The following CSPP1 variants were observed in gnomAD, a reference collection of about 807,000 sequenced individuals.
The protein encoded by CSPP1 is centrosome and spindle pole-associated protein 1.
A neutral mutation model predicts 164.4 loss-of-function variants in CSPP1; 126 were observed. The ratio of observed to expected loss-of-function variants is 0.77; its 90% CI spans 0.66 to 0.89. The LOEUF is 0.89. CSPP1 is among the 40% of genes least tolerant of loss of function. CSPP1 has a pLI of 0.00. For missense variants in CSPP1, 1,395 were observed against 1,449.8 expected (o/e 0.96, Z 0.61); for synonymous variants, 472 against 476.7 (o/e 0.99, Z 0.13).
intron 30 of CSPP1, among the ~76,000 whole-genome samples, chr8:67,194,298 TC>T (rs2129576218): frequency 6.6e-6 from 1 of 152,352 alleles, no homozygotes; most frequent in South Asian, 2.1e-4. Context: ...AGTCTGTTAA[TC>T]TACATTACAA....
At position 67,179,903 on chromosome 8, in the gene CSPP1, T is replaced by G; in HGVS notation, c.3197T>G (p.Leu1066Trp). ...DTSDFLKNSL[L>W]ESDSAFIGAY... is the part of the protein sequence containing the mutation. ...AGTGATTTCTTGAAAAACTCATTAT[T>G]GGAATCTGATAGTGCTTTTATTGGT... Residue 1066 changes from leucine (L) to tryptophan (W), a missense_variant, in exon 28 of 31, where the codon TTG becomes TGG. Leu to Trp is a moderately conservative substitution (Grantham distance 61, BLOSUM62 -2). Transcript: ENST00000678616. The G allele has an allele frequency of 6.3e-7, 1 of 1,586,022 alleles. No individual in the cohort carries two copies. Among genetic ancestry groups the G allele is most frequent in the Non-Finnish European group, 8.7e-7 (1 of 1,155,070 alleles).
At chr8:67,112,679 A>G (rs1817108884) in intron 10 of CSPP1, among the ~76,000 whole-genome samples, 1 of 152,188 alleles carries the variant, frequency 6.6e-6, no homozygotes, top group South Asian at 2.1e-4. Flanking sequence ...TTGCAGCAAT[A>G]GCTTTCTAAC....
chr8:67,172,663 G>A (rs1380543321), intron 25 of CSPP1, 108 bp downstream of exon 25: 1 of 957,694 alleles, frequency 1.0e-6, no homozygotes, highest in Non-Finnish European at 1.5e-6. Flanking sequence ...TTTATCTATG[G>A]TATGTATTTT....
Position 67,149,773 on chromosome 8 carries a change from T to G in CSPP1, c.1976-10T>G. 6.6e-7 allele frequency: 1 copy of G among 1,505,774 alleles called. No individual in the cohort carries two copies. Among genetic ancestry groups the G allele is most frequent in the African/African-American group, 1.4e-5 (1 of 70,034 alleles). 93.3% of individuals were successfully genotyped at this position (1,505,774 alleles called of 1,614,324 possible). ...TTTATTGAAATAAATGGCTTATTTT[T>G]TCCTCTCAGCTGATTTGAATAGGAT... On this transcript the variant is annotated splice_polypyrimidine_tract_variant and intron_variant, in intron 17 of 30. Coordinates refer to ENST00000678616, the MANE Select transcript of CSPP1 (RefSeq NM_001382391.1).
intron 6 of CSPP1, among the ~76,000 whole-genome samples, chr8:67,094,188 A>G (rs1411189001): frequency 2.8e-5 from 4 of 143,488 alleles, no homozygotes; most frequent in East Asian, 2.0e-4. Context: ...ACCACTTTCT[A>G]TATCCTTTGT....
At chr8:67,161,685 A>C (rs1423639869) in intron 21 of CSPP1, 126 bp from the exon 22 acceptor site, 2 of 534,000 alleles carry the variant, frequency 3.7e-6, no homozygotes, top group Non-Finnish European at 6.6e-6. Flanking sequence ...GCATTTTATT[A>C]AATAAAAGCA....
chr8:67,116,928 T>C (rs1425864773), intron 13 of CSPP1, among the ~76,000 whole-genome samples: 1 of 152,180 alleles, frequency 6.6e-6, no homozygotes, highest in African/African-American at 2.4e-5. Flanking sequence ...ACTATACTTA[T>C]CAGGGGCTTT....
chr8:67,077,651 T>C (rs1808244181), intron 3 of CSPP1, among the ~76,000 whole-genome samples: 1 of 152,254 alleles, frequency 6.6e-6, no homozygotes, highest in Non-Finnish European at 1.5e-5. Context: ...TATGAATATT[T>C]TCAATGTGCA....
intron 7 of CSPP1, among the ~76,000 whole-genome samples, chr8:67,102,242 C>A (rs1388572944): frequency 6.6e-6 from 1 of 152,022 alleles, no homozygotes; most frequent in Non-Finnish European, 1.5e-5. Flanking sequence ...TAGCAAATGT[C>A]ATGGTTTGTT....
intron 23 of CSPP1, among the ~76,000 whole-genome samples, chr8:67,164,153 G>A (rs573386474): frequency 6.6e-6 from 1 of 152,198 alleles, no homozygotes; most frequent in South Asian, 2.1e-4. Flanking sequence ...CTTTATAGTT[G>A]CACTCCCCCA....
intron 21 of CSPP1, among the ~76,000 whole-genome samples, chr8:67,159,840 TTCTTTCTTTCTTTTTCTTTC>T (rs1563710195): frequency 1.5e-5 from 2 of 129,558 alleles, no homozygotes; most frequent in East Asian, 2.1e-4. Context: ...CTTTCTTTCT[TTCTTTCTTTCTTTTTCTTTC>T]TTTCTTTCTT....
intron 12 of CSPP1, chr8:67,114,853 T>C (rs1250352713): frequency 1.3e-5 from 2 of 152,204 alleles, no homozygotes; most frequent in African/African-American, 4.8e-5. Context: ...TCCTATACAG[T>C]GTCAAGTTGA....
At chr8:67,070,190 C>T (rs978865169) in intron 1 of CSPP1, among the ~76,000 whole-genome samples, 2 of 151,768 alleles carry the variant, frequency 1.3e-5, no homozygotes, top group East Asian at 1.9e-4. Flanking sequence ...TAAGTCGGGA[C>T]GGTGGCTCAC....
At chr8:67,101,057 A>G (rs886610268) in intron 7 of CSPP1, among the ~76,000 whole-genome samples, 1 of 152,216 alleles carries the variant, frequency 6.6e-6, no homozygotes, top group Non-Finnish European at 1.5e-5. Context: ...ACCAGGCACA[A>G]GCTTCCAAGG....
intron 16 of CSPP1, chr8:67,133,812 A>G (rs1821719230): frequency 6.6e-6 from 1 of 152,244 alleles, no homozygotes; most frequent in Non-Finnish European, 1.5e-5. Context: ...CTTAGTTTAT[A>G]TAATGTTCTA....
intron 8 of CSPP1, 51 bp downstream of exon 8, chr8:67,103,186 G>A: frequency 9.0e-7 from 1 of 1,114,474 alleles, no homozygotes; most frequent in Admixed American, 1.9e-5. Flanking sequence ...TTGTGAAACA[G>A]AATGTGCCTA....
chr8:67,146,070 T>G (rs545386779), intron 17 of CSPP1, among the ~76,000 whole-genome samples: 1 of 152,152 alleles, frequency 6.6e-6, no homozygotes, highest in South Asian at 2.1e-4. Context: ...CCTGAGAGCT[T>G]TCTTTTATTC....
In CSPP1 at chr8:67,195,009, A is replaced by G. The variant is rs892718535; in HGVS notation, c.3470-373A>G. On this transcript the variant is annotated intron_variant, in intron 30 of 30. Coordinates refer to ENST00000678616, the MANE Select transcript of CSPP1 (RefSeq NM_001382391.1). ...TAAAAAGAAAAAAGAAAGAAATTTT[A>G]TGTGTAGCCATTAGGCTTCTCCTGA... Among the ~76,000 whole-genome samples the G allele has an allele frequency of 7.2e-5, 11 of 152,326 alleles. No individual in the cohort carries two copies. In the East Asian group the frequency reaches 2.1e-3, roughly 29 times the overall value.
Position 67,074,297 on chromosome 8 carries a change from A to G in CSPP1, c.45A>G (p.Arg15=), listed in dbSNP as rs774600569. ...AATTTATTGAAGAGCAAAAAGCCAG[A>G]TTGGCCGAAGACAAAGCAGAGTTGG... ...LDEFIEEQKA[R]LAEDKAELES... Residue 15 remains arginine, a synonymous_variant, in exon 2 of 31, where the codon AGA becomes AGG. Coordinates refer to ENST00000678616, the MANE Select transcript of CSPP1 (RefSeq NM_001382391.1). The G allele has an allele frequency of 6.2e-7, 1 of 1,611,936 alleles. No individual in the cohort carries two copies. Among genetic ancestry groups the G allele is most frequent in the Non-Finnish European group, 8.5e-7 (1 of 1,179,042 alleles).
Sources: allele counts gnomAD v4.1 joint callset (sites outside exome capture counted in the v4.1 genomes callset), GRCh38; gene constraint gnomAD v4.1.1; transcripts MANE v1.5; gene names NCBI Gene and HGNC (gene_info 2026-07-23, HGNC 2026-07-21).